Variants in UNC80 observed in about 807,000 individuals in gnomAD.
UNC80 encodes protein unc-80 homolog.
Under a neutral mutation model 384.6 loss-of-function variants are expected in UNC80, and 164 were observed. That is an observed-to-expected ratio of 0.43 (90% CI 0.38 to 0.49). The LOEUF (loss-of-function observed/expected upper bound fraction) is 0.49, where lower values mean the gene tolerates loss of function less well. UNC80 is among the 20% of genes least tolerant of loss of function. The pLI is 0.00. For synonymous variants in UNC80, 1,486 were observed against 1,527.8 expected, an observed-to-expected ratio of 0.97 and a Z score of 0.64; for missense variants, 3,330 against 4,143.0, an observed-to-expected ratio of 0.80 and a Z score of 5.39.
At chr2:209,897,854 ATTTC>A (rs1454259964) in intron 28 of UNC80, among the ~76,000 whole-genome samples, 1 of 152,150 alleles carries the variant, frequency 6.6e-6, no homozygotes, top group Non-Finnish European at 1.5e-5. Flanking sequence ...AAACCTAAAA[ATTTC>A]TTTATGGGAG....
At position 209,777,292 on chromosome 2, in the gene UNC80, G is replaced by C; in HGVS notation, c.333G>C (p.Lys111Asn). The change falls in exon 4 of 65, where the codon AAG (lysine) becomes AAC (asparagine). Residue 111 changes from lysine to asparagine, a missense_variant. By Grantham distance (94) the Lys-to-Asn change is moderately conservative. Coordinates refer to ENST00000673920, the MANE Select transcript of UNC80 (RefSeq NM_001371986.1). ...ATAAATTGGGTGTTGCTGAGACAAA[G>C]CTCCTTCACACTCTACACTGGATGC... ...HQDKLGVAET[K>N]LLHTLHWMLL... 6.2e-7 allele frequency: 1 copy of C among 1,605,584 alleles called. No individual in the cohort carries two copies. Among genetic ancestry groups the C allele is most frequent in the Non-Finnish European group, 8.5e-7 (1 of 1,177,070 alleles).
chr2:209,821,058 A>C lies in UNC80; in HGVS notation c.2331+379A>C, dbSNP rs2080099981. ...TAGTCTCCTCAAGCTGCCATAACAA[A>C]ATACCATAGACTGAGTGGCTTAAAC... On this transcript the variant is annotated intron_variant, in intron 13 of 64. Transcript: ENST00000673920. Among the ~76,000 whole-genome samples, 3 of 152,224 alleles carry C rather than the reference A, an allele frequency of 2.0e-5. No individual in the cohort carries two copies. The South Asian group carries it at 6.2e-4, about 31-fold the overall frequency.
At position 209,917,959 on chromosome 2, in the gene UNC80, G is replaced by T; in HGVS notation, c.5211+1G>T. The T allele has an allele frequency of 6.4e-7, 1 of 1,551,528 alleles. No homozygotes were observed. Reference sequence around the variant, plus strand: ...GGAAGGGGCACAGCAGATTTTTAAGGTGAGGGATACTTCTCACAGAGGAGT... The same window carrying T: ...GGAAGGGGCACAGCAGATTTTTAAGTTGAGGGATACTTCTCACAGAGGAGT... On this transcript the variant is annotated splice_donor_variant, in intron 32 of 64. Transcript: ENST00000673920. LOFTEE classifies it high-confidence loss of function.
At position 209,819,254 on chromosome 2, in the gene UNC80, A is replaced by G; in HGVS notation, c.1955A>G (p.Asp652Gly). ...TTTGTCCACAAGAATGGAATGCTTG[A>G]TCTTTCTGTAAGAAGCAAGAATTTT... ...NNFVHKNGML[D>G]LSVVLKAVYL... Residue 652 changes from aspartate (D) to glycine (G), a missense_variant, in exon 12 of 65, where the codon GAT becomes GGT. Asp to Gly is a moderately conservative substitution (Grantham distance 94). Transcript: ENST00000673920. The G allele has an allele frequency of 6.5e-7, 1 of 1,545,352 alleles. No homozygotes were observed. Among genetic ancestry groups the G allele is most frequent in the South Asian group, 1.2e-5 (1 of 82,904 alleles).
At chr2:209,980,695 T>A (rs900139815) in intron 59 of UNC80, among the ~76,000 whole-genome samples, 1 of 152,246 alleles carries the variant, frequency 6.6e-6, no homozygotes, top group Non-Finnish European at 1.5e-5. Context: ...AGATACATTC[T>A]CTGCTTTCTA....
Position 209,817,693 on chromosome 2 carries a change from G to T in UNC80, c.1553-119G>T. ...TTCAGTTCTTGCTTTTTTTGTCTGT[G>T]TTTCACACTTTTCCTAACAGCCCCA... On this transcript the variant is annotated intron_variant, in intron 10 of 64. Coordinates refer to ENST00000673920, the MANE Select transcript of UNC80 (RefSeq NM_001371986.1). The T allele has an allele frequency of 1.8e-5, 23 of 1,271,310 alleles. No individual in the cohort carries two copies. The Admixed American group carries it at 2.8e-4, about 15-fold the overall frequency. 78.8% of individuals were successfully genotyped at this position (1,271,310 alleles called of 1,614,324 possible). A position where few individuals can be genotyped will look rare whatever the true frequency, so the allele number is the denominator to read the frequency against.
At position 209,943,414 on chromosome 2, in the gene UNC80, G is replaced by A. The variant is rs1292203908; in HGVS notation, c.6950G>A (p.Arg2317His). Residue 2317 changes from arginine (R) to histidine (H), a missense_variant, in exon 45 of 65, where the codon CGT becomes CAT. By Grantham distance (29) the Arg-to-His change is conservative. This residue lies in a region of UNC80 where 1,049 missense variants were observed against 1,488.6 expected (regional missense o/e 0.70). Transcript: ENST00000673920. The stretch of plus-strand genomic sequence containing the variant: ...GACTATGAAAGCAATCCCCAGCTGC[G>A]TCAAGCCATCGAATTTGCCTGTCAC... ...YSDYESNPQL[R>H]QAIEFACHQF... The A allele has an allele frequency of 1.5e-5, 24 of 1,551,956 alleles. No homozygotes were observed. Among genetic ancestry groups the A allele is most frequent in the South Asian group, 3.6e-5 (3 of 84,054 alleles).
intron 22 of UNC80, among the ~76,000 whole-genome samples, chr2:209,866,490 C>A (rs13382804): frequency 0.34 from 36,267 of 107,438 alleles, 6,257 homozygotes; most frequent in East Asian, 0.55. Flanking sequence ...AAATGCACCC[C>A]CACACACACA....
At chr2:209,904,403 C>A (rs1402264698) in intron 28 of UNC80, among the ~76,000 whole-genome samples, 1 of 152,154 alleles carries the variant, frequency 6.6e-6, no homozygotes, top group East Asian at 1.9e-4. Context: ...CAGTCTATGC[C>A]CTTTCATATG....
intron 28 of UNC80, among the ~76,000 whole-genome samples, chr2:209,896,866 G>GC (rs1357836811): frequency 3.9e-4 from 59 of 152,282 alleles, no homozygotes; most frequent in African/African-American, 1.4e-3. Flanking sequence ...TGAGCCAGAG[G>GC]GCACAGGCAG....
At chr2:209,950,812 C>T (rs1465542989) in intron 47 of UNC80, among the ~76,000 whole-genome samples, 1 of 152,122 alleles carries the variant, frequency 6.6e-6, no homozygotes, top group East Asian at 1.9e-4. Flanking sequence ...CCCGTCTCAG[C>T]CTCCCAAAGT....
At chr2:209,844,426 CTCTT>C (rs1353953138) in intron 21 of UNC80, among the ~76,000 whole-genome samples, 4 of 145,968 alleles carry the variant, frequency 2.7e-5, no homozygotes, top group Non-Finnish European at 4.5e-5. Context: ...CTCTTTCTTT[CTCTT>C]TCTCTTTTCT....
Position 209,896,272 on chromosome 2 carries a change from G to A in UNC80, c.4481-41G>A, listed in dbSNP as rs147487695. ...ACCATACCAACATGCTCTCCAGGGA[G>A]ACCGAACACTGAAACCTTTCTTGGT... On this transcript the variant is annotated intron_variant, in intron 27 of 64. Coordinates refer to ENST00000673920, the MANE Select transcript of UNC80 (RefSeq NM_001371986.1). 7 of 1,520,904 alleles carry A rather than the reference G, an allele frequency of 4.6e-6. No individual in the cohort carries two copies. In the African/African-American group the frequency reaches 6.9e-5, roughly 15 times the overall value. The allele number at this position is 1,520,904 out of a possible 1,614,324, so 94.2% of individuals were successfully genotyped here. A position where few individuals can be genotyped will look rare whatever the true frequency, so the allele number is the denominator to read the frequency against.
At chr2:209,777,018 A>G (rs2076904806) in intron 3 of UNC80, among the ~76,000 whole-genome samples, 2 of 152,128 alleles carry the variant, frequency 1.3e-5, no homozygotes, top group South Asian at 2.1e-4. Context: ...GCCTATTTGG[A>G]AATATATTTG....
At position 209,976,290 on chromosome 2, in the gene UNC80, T is replaced by C; in HGVS notation, c.8759T>C (p.Phe2920Ser). ...RIPIFVLLRP[F>S]IQCKLLAQPA... is the part of the protein sequence containing the mutation. ...CCCATCTTTGTGCTTTTGCGCCCTTTCATCCAGTGCAAGGTGTGGTGTGTG... is the reference window on the plus strand; with the variant it reads ...CCCATCTTTGTGCTTTTGCGCCCTTCCATCCAGTGCAAGGTGTGGTGTGTG... The change falls in exon 57 of 65, where the codon TTC (phenylalanine) becomes TCC (serine). Residue 2920 changes from phenylalanine (F) to serine (S), a missense_variant. By Grantham distance (155) the Phe-to-Ser change is radical (BLOSUM62 -2). This residue lies in a region of UNC80 where 216 missense variants were observed against 245.3 expected (regional missense o/e 0.88). Coordinates refer to ENST00000673920, the MANE Select transcript of UNC80 (RefSeq NM_001371986.1). The surrounding 1 kb of genome is among the most constrained non-coding windows in gnomAD (Gnocchi z 4.3). 1.9e-6 allele frequency: 3 copies of C among 1,551,782 alleles called. No individual in the cohort carries two copies. Among genetic ancestry groups the C allele is most frequent in the Non-Finnish European group, 2.6e-6 (3 of 1,147,016 alleles).
chr2:209,782,273 G>C (rs910810380), intron 4 of UNC80, among the ~76,000 whole-genome samples: 2 of 152,172 alleles, frequency 1.3e-5, no homozygotes, highest in African/African-American at 4.8e-5. Context: ...TCTATGACCT[G>C]TCTGACTACT....
At chr2:209,910,795 C>T (rs1233753171) in intron 29 of UNC80, among the ~76,000 whole-genome samples, 4 of 151,456 alleles carry the variant, frequency 2.6e-5, no homozygotes, top group Non-Finnish European at 5.9e-5. Context: ...AAAATATTTG[C>T]AAAATTTAAG....
At chr2:209,919,343 G>C (rs182289627) in intron 33 of UNC80, among the ~76,000 whole-genome samples, 6 of 152,186 alleles carry the variant, frequency 3.9e-5, no homozygotes, top group Admixed American at 2.6e-4. Flanking sequence ...ACACCTCTTT[G>C]CACAAATTTA....
chr2:209,783,326 T>C (rs550488140), intron 4 of UNC80, among the ~76,000 whole-genome samples: 68 of 152,178 alleles, frequency 4.5e-4, no homozygotes, highest in African/African-American at 1.6e-3. Flanking sequence ...CATTGTGTGT[T>C]CCATTAAAAG....
Sources: allele counts gnomAD v4.1 joint callset (sites outside exome capture counted in the v4.1 genomes callset), GRCh38; gene constraint gnomAD v4.1.1; regional missense constraint gnomAD v4.1.1; non-coding constraint Gnocchi (gnomAD v3.1); transcripts MANE v1.5; gene names NCBI Gene and HGNC (gene_info 2026-07-23, HGNC 2026-07-21).